ADAMTS20: variants seen among roughly 807,000 people sequenced by gnomAD.
ADAMTS20 encodes A disintegrin and metalloproteinase with thrombospondin motifs 20.
ADAMTS20 carries 225 observed loss-of-function variants against 260.1 expected under a neutral mutation model. The observed-to-expected ratio is 0.87, with a 90% CI of 0.78 to 0.97. The LOEUF (loss-of-function observed/expected upper bound fraction) is 0.97, where lower values mean the gene tolerates loss of function less well. Among genes scored for constraint, ADAMTS20 ranks in the 50% least tolerant of loss-of-function variants. ADAMTS20 has a pLI of 0.00. For synonymous variants in ADAMTS20, 802 were observed against 769.5 expected, an observed-to-expected ratio of 1.04 and a Z score of -0.70; for missense variants, 2,400 against 2,337.7, an observed-to-expected ratio of 1.03 and a Z score of -0.55.
At chr12:43,524,264 C>T (rs2137488249) in intron 3 of ADAMTS20, among the ~76,000 whole-genome samples, 1 of 48,724 alleles carries the variant, frequency 2.1e-5, no homozygotes, top group Non-Finnish European at 4.1e-5. Flanking sequence ...ACAGTCTTCA[C>T]CCCTGAAAGC....
At position 43,523,847 on chromosome 12, in the gene ADAMTS20, TG is replaced by T. The variant is rs1943104624; in HGVS notation, c.613+8188del. The stretch of plus-strand genomic sequence containing the variant: ...GCCTGACCCAGCCCCCAGCTGGCTT[TG>T]TCCATGCCCCAGCACCCCCCTCCCC... On this transcript the variant is annotated intron_variant, in intron 3 of 38. Coordinates refer to ENST00000389420, the MANE Select transcript of ADAMTS20 (RefSeq NM_025003.5). Among the ~76,000 whole-genome samples, 2 of 144,344 alleles carry T rather than the reference TG, an allele frequency of 1.4e-5. 1 individual carries two copies. Among genetic ancestry groups the T allele is most frequent in the Middle Eastern group, 6.5e-3 (2 of 306 alleles). 94.7% of individuals were successfully genotyped at this position (144,344 alleles called of 152,430 possible). A position where few individuals can be genotyped will look rare whatever the true frequency, so the allele number is the denominator to read the frequency against.
At chr12:43,454,731 T>C (rs1451683427) in intron 11 of ADAMTS20, among the ~76,000 whole-genome samples, 2 of 152,204 alleles carry the variant, frequency 1.3e-5, no homozygotes, top group Non-Finnish European at 2.9e-5. Flanking sequence ...TGATAGCTAA[T>C]CAAAGTATGA....
intron 29 of ADAMTS20, among the ~76,000 whole-genome samples, chr12:43,391,227 G>T (rs1478301445): frequency 6.6e-6 from 1 of 152,156 alleles, no homozygotes; most frequent in African/African-American, 2.4e-5. Flanking sequence ...AACAATGAGT[G>T]CTCTACCCTC....
chr12:43,457,632 C>G (rs1565557228), intron 11 of ADAMTS20, among the ~76,000 whole-genome samples: 1 of 152,204 alleles, frequency 6.6e-6, no homozygotes, highest in East Asian at 1.9e-4. Context: ...GTCATCATTT[C>G]TCTTCTTCCT....
chr12:43,499,559 G>C (rs1942726351), intron 4 of ADAMTS20, among the ~76,000 whole-genome samples: 1 of 150,212 alleles, frequency 6.7e-6, no homozygotes, highest in Non-Finnish European at 1.5e-5. Context: ...CACGATCTCG[G>C]CTGGGAACCG....
intron 3 of ADAMTS20, among the ~76,000 whole-genome samples, chr12:43,512,596 G>A (rs568990460): frequency 1.3e-5 from 2 of 151,924 alleles, no homozygotes; most frequent in Non-Finnish European, 2.9e-5. Context: ...TTTTTTCAAA[G>A]AGTTTCACGA....
At chr12:43,375,031 G>A (rs997746963) in intron 36 of ADAMTS20, among the ~76,000 whole-genome samples, 7 of 152,164 alleles carry the variant, frequency 4.6e-5, no homozygotes, top group African/African-American at 1.7e-4. Context: ...AGTTAGCTGG[G>A]CATGGTGGCG....
chr12:43,521,780 G>A (rs564891002), intron 3 of ADAMTS20, among the ~76,000 whole-genome samples: 10 of 151,908 alleles, frequency 6.6e-5, no homozygotes, highest in Middle Eastern at 3.4e-3. Flanking sequence ...GTCTCTGTGC[G>A]CCTTGCCTGC....
intron 28 of ADAMTS20, among the ~76,000 whole-genome samples, chr12:43,416,618 G>A (rs867955202): frequency 1.6e-4 from 24 of 148,904 alleles, no homozygotes; most frequent in African/African-American, 5.9e-4. Context: ...CCGCCTCCCA[G>A]GTTCACACCA....
chr12:43,446,191 G>A (rs2137338249), intron 15 of ADAMTS20, among the ~76,000 whole-genome samples: 1 of 152,204 alleles, frequency 6.6e-6, no homozygotes, highest in Middle Eastern at 3.4e-3. Context: ...ACCAAAAAAA[G>A]AAAGTGATTC....
At chr12:43,514,878 A>G (rs933503800) in intron 3 of ADAMTS20, among the ~76,000 whole-genome samples, 2 of 152,242 alleles carry the variant, frequency 1.3e-5, no homozygotes, top group African/African-American at 4.8e-5. Context: ...CTGAATATCG[A>G]TATCTACTGA....
At chr12:43,488,465 G>A (rs945313320) in intron 7 of ADAMTS20, among the ~76,000 whole-genome samples, 3 of 152,136 alleles carry the variant, frequency 2.0e-5, no homozygotes, top group South Asian at 2.1e-4. Flanking sequence ...TCACTGTATC[G>A]CATGTCTTGC....
intron 14 of ADAMTS20, among the ~76,000 whole-genome samples, chr12:43,449,701 C>T (rs1941830335): frequency 2.0e-5 from 3 of 152,036 alleles, no homozygotes; most frequent in African/African-American, 7.2e-5. Context: ...AAGTTCTTTT[C>T]ACAAATATCC....
At chr12:43,469,297 G>A (rs989059418) in intron 7 of ADAMTS20, among the ~76,000 whole-genome samples, 9 of 151,916 alleles carry the variant, frequency 5.9e-5, no homozygotes, top group African/African-American at 1.4e-4. Context: ...TAACATTTCC[G>A]CAATAGGAAA....
At chr12:43,459,516 T>C (rs547476057) in intron 11 of ADAMTS20, among the ~76,000 whole-genome samples, 7 of 152,038 alleles carry the variant, frequency 4.6e-5, no homozygotes, top group Non-Finnish European at 7.4e-5. Context: ...CTGCCACCAT[T>C]TTGGAAGTGG....
At chr12:43,501,615 A>G (rs150659644) in intron 4 of ADAMTS20, among the ~76,000 whole-genome samples, 201 of 152,262 alleles carry the variant, frequency 1.3e-3, no homozygotes, top group African/African-American at 4.6e-3. Flanking sequence ...TAGTAACATC[A>G]GATCAAGGAC....
chr12:43,442,799 T>C lies in ADAMTS20; in HGVS notation c.2290+992A>G, dbSNP rs76445270. Among the ~76,000 whole-genome samples, 35 of 152,346 alleles carry C rather than the reference T, an allele frequency of 2.3e-4. 1 individual carries two copies. In the East Asian group the frequency reaches 6.6e-3, roughly 29 times the overall value. On this transcript the variant is annotated intron_variant, in intron 16 of 38. Coordinates refer to ENST00000389420, the MANE Select transcript of ADAMTS20 (RefSeq NM_025003.5). Reference sequence around the variant, plus strand: ...TTTAATAAATATTTTGCATCTTGTATTGAGGTGAAACTGATATAACATAAA... The same window carrying C: ...TTTAATAAATATTTTGCATCTTGTACTGAGGTGAAACTGATATAACATAAA...
chr12:43,375,410 T>C lies in ADAMTS20; in HGVS notation c.5415A>G (p.Ile1805Met), dbSNP rs760810516. 6.2e-6 allele frequency: 10 copies of C among 1,613,626 alleles called. No individual in the cohort carries two copies. Among genetic ancestry groups the C allele is most frequent in the Middle Eastern group, 1.6e-4 (1 of 6,080 alleles). The change falls in exon 36 of 39, where the codon ATA becomes ATG. Residue 1805 changes from isoleucine (I) to methionine (M), a missense_variant. Transcript: ENST00000389420. ...TTTGCATGGAAGTGAGATCAATTCT[T>C]ATTTTGCTGAAAACAGTGTATCCAG... ...LAAGYTVFSK[I>M]RIDLTSMQIK...
intron 7 of ADAMTS20, among the ~76,000 whole-genome samples, chr12:43,479,025 G>T (rs1942401649): frequency 6.6e-6 from 1 of 152,104 alleles, no homozygotes; most frequent in Non-Finnish European, 1.5e-5. Context: ...GAAATGAACT[G>T]AATTGTAGAG....
Sources: allele counts gnomAD v4.1 joint callset (sites outside exome capture counted in the v4.1 genomes callset), GRCh38; gene constraint gnomAD v4.1.1; transcripts MANE v1.5; gene names NCBI Gene and HGNC (gene_info 2026-07-23, HGNC 2026-07-21).